The following PCDHGA7 variants were observed in gnomAD, a reference collection of about 807,000 sequenced individuals.
PCDHGA7 encodes protocadherin gamma subfamily A, 7.
Under a neutral mutation model 58.3 loss-of-function variants are expected in PCDHGA7, and 44 were observed. The ratio of observed to expected loss-of-function variants is 0.75; its 90% CI spans 0.59 to 0.97. The LOEUF is 0.97. Among genes scored for constraint, PCDHGA7 ranks in the 50% least tolerant of loss-of-function variants. The probability of loss-of-function intolerance (pLI) is 0.00; values close to 1 mark genes in which losing one functional copy is unlikely to be tolerated. For synonymous variants in PCDHGA7, 516 were observed against 504.2 expected (o/e 1.02, Z -0.31); for missense variants, 1,266 against 1,188.7 (o/e 1.06, Z -0.96).
chr5:141,494,705 G>C, intron 1 of PCDHGA7, 102 bp from the exon 2 acceptor site: 1 of 1,597,990 alleles, frequency 6.3e-7, no homozygotes, highest in Non-Finnish European at 8.6e-7. Flanking sequence ...TTTCTTCTCT[G>C]TGCCCACTCC....
chr5:141,464,676 T>C (rs1337677151), intron 1 of PCDHGA7, among the ~76,000 whole-genome samples: 3 of 152,176 alleles, frequency 2.0e-5, no homozygotes, highest in Non-Finnish European at 2.9e-5. Context: ...ATAATTTTAA[T>C]TAAAATTTCT....
intron 1 of PCDHGA7, chr5:141,421,232 C>G (rs748347420): frequency 1.3e-6 from 2 of 1,590,370 alleles, no homozygotes; most frequent in Non-Finnish European, 1.7e-6. Context: ...CCTGCCATGG[C>G]GAATCGGCTA....
At chr5:141,456,044 C>T (rs1307913066) in intron 1 of PCDHGA7, among the ~76,000 whole-genome samples, 2 of 151,826 alleles carry the variant, frequency 1.3e-5, no homozygotes, top group African/African-American at 2.4e-5. Context: ...ACTACAGGCG[C>T]CCACCACCAC....
intron 1 of PCDHGA7, among the ~76,000 whole-genome samples, chr5:141,464,689 TATTATGA>T (rs1378742227): frequency 4.6e-5 from 7 of 152,182 alleles, no homozygotes; most frequent in Admixed American, 2.6e-4. Context: ...AAATTTCTCT[TATTATGA>T]ATGAGGTTAA....
At chr5:141,461,979 A>C (rs1420971777) in intron 1 of PCDHGA7, among the ~76,000 whole-genome samples, 1 of 152,144 alleles carries the variant, frequency 6.6e-6, no homozygotes, top group Non-Finnish European at 1.5e-5. Context: ...ATATGCCACC[A>C]CGCCAGGCTA....
At chr5:141,405,217 G>A in intron 1 of PCDHGA7, 9 of 1,614,024 alleles carry the variant, frequency 5.6e-6, no homozygotes, top group Non-Finnish European at 7.6e-6. Context: ...CCTATTCTCA[G>A]GAGTTCTCCC....
chr5:141,413,343 G>A, intron 1 of PCDHGA7: 12 of 1,613,994 alleles, frequency 7.4e-6, no homozygotes, highest in Non-Finnish European at 1.0e-5. Context: ...CCAAGGACTT[G>A]GGTCTGGCGC....
intron 1 of PCDHGA7, chr5:141,393,614 C>G: frequency 6.2e-7 from 1 of 1,613,778 alleles, no homozygotes; most frequent in Non-Finnish European, 8.5e-7. Context: ...TAACAGCCAG[C>G]GACCCGGATG....
chr5:141,473,626 G>A lies in PCDHGA7; in HGVS notation c.2425-21181G>A, dbSNP rs149882847. ...GCAAAGCAAAGGGAGGGAGGAAAAA[G>A]CAGCTTTCCTGGCAAAGGAACAATT... On this transcript the variant is annotated intron_variant, in intron 1 of 3. Transcript: ENST00000518325. Among the ~76,000 whole-genome samples, 1,234 of 152,276 alleles carry A rather than the reference G, an allele frequency of 8.1e-3. 14 individuals are homozygous for A. Among genetic ancestry groups the A allele is most frequent in the Non-Finnish European group, 0.011 (715 of 68,020 alleles).
At chr5:141,422,153 AT>A (rs750082013) in intron 1 of PCDHGA7, 4 of 1,575,250 alleles carry the variant, frequency 2.5e-6, no homozygotes, top group Non-Finnish European at 3.4e-6. Context: ...GGGTCTCTGG[AT>A]TTTGAAAAAT....
In PCDHGA7 at chr5:141,384,599, T is replaced by A. The variant is rs772846090; in HGVS notation, c.1700T>A (p.Leu567His). 4 of 1,614,132 alleles carry A rather than the reference T, an allele frequency of 2.5e-6. No individual in the cohort carries two copies. The highest frequency in any genetic ancestry group is 2.5e-6 in the Non-Finnish European group (3 of 1,180,030). ...CCGCCCGAGATCCTGTACCCGGCCC[T>A]CCCCACAGATGGTTCTACTGGCATG... ...DNPPEILYPA[L>H]PTDGSTGMEL... The change falls in exon 1 of 4, where the codon CTC becomes CAC. Residue 567 changes from leucine to histidine, a missense_variant. Coordinates refer to ENST00000518325, the MANE Select transcript of PCDHGA7 (RefSeq NM_018920.4).
At chr5:141,399,466 G>A (rs1229342978) in intron 1 of PCDHGA7, 5 of 1,613,886 alleles carry the variant, frequency 3.1e-6, no homozygotes, top group East Asian at 4.5e-5. Context: ...TAACGCTCCG[G>A]TTTTCCACCA....
chr5:141,420,308 T>C (rs1486910909), intron 1 of PCDHGA7: 3 of 1,457,838 alleles, frequency 2.1e-6, no homozygotes, highest in Non-Finnish European at 9.2e-7. Context: ...ATCCTTTTTA[T>C]ATTACAATAT....
At chr5:141,466,684 G>A (rs1337230884) in intron 1 of PCDHGA7, among the ~76,000 whole-genome samples, 1 of 152,034 alleles carries the variant, frequency 6.6e-6, no homozygotes, top group Non-Finnish European at 1.5e-5. Flanking sequence ...TTCCACTCAA[G>A]CTTCATCATA....
At chr5:141,414,740 G>A (rs776833780) in intron 1 of PCDHGA7, 1 of 1,614,208 alleles carries the variant, frequency 6.2e-7, no homozygotes, top group South Asian at 1.1e-5. Flanking sequence ...TATGCACTCA[G>A]ATCCTTCGAC....
intron 2 of PCDHGA7, among the ~76,000 whole-genome samples, chr5:141,498,828 G>C (rs2099786098): frequency 6.6e-6 from 1 of 152,092 alleles, no homozygotes; most frequent in Non-Finnish European, 1.5e-5. Flanking sequence ...AGCTACTCAG[G>C]AGGCTGAGGC....
chr5:141,429,547 A>C (rs2097222392), intron 1 of PCDHGA7, among the ~76,000 whole-genome samples: 1 of 152,196 alleles, frequency 6.6e-6, no homozygotes, highest in Non-Finnish European at 1.5e-5. Flanking sequence ...AGAACATGGT[A>C]ATGATTTGAT....
At chr5:141,424,956 T>A (rs1435882776) in intron 1 of PCDHGA7, among the ~76,000 whole-genome samples, 1 of 152,176 alleles carries the variant, frequency 6.6e-6, no homozygotes, top group African/African-American at 2.4e-5. Context: ...TTCTAGGTAT[T>A]TGCCCCAAAT....
chr5:141,399,944 A>C, intron 1 of PCDHGA7: 1 of 1,612,254 alleles, frequency 6.2e-7, no homozygotes, highest in Non-Finnish European at 8.5e-7. Context: ...CACGTGCTGC[A>C]GGCTAGCGAG....
Sources: allele counts gnomAD v4.1 joint callset (sites outside exome capture counted in the v4.1 genomes callset), GRCh38; gene constraint gnomAD v4.1.1; transcripts MANE v1.5; gene names NCBI Gene and HGNC (gene_info 2026-07-23, HGNC 2026-07-21).